Variants in MYO9A observed in about 807,000 individuals in gnomAD.
MYO9A encodes the protein myosin IXA.
MYO9A carries 103 observed loss-of-function variants against 293.3 expected under a neutral mutation model. That is an observed-to-expected ratio of 0.35 (90% CI 0.30 to 0.41). The LOEUF is 0.41. MYO9A is among the 10% of genes least tolerant of loss of function. MYO9A has a pLI of 1.00. For missense variants in MYO9A, 2,685 were observed against 3,033.0 expected, an observed-to-expected ratio of 0.89 and a Z score of 2.69; for synonymous variants, 1,001 against 1,035.7, an observed-to-expected ratio of 0.97 and a Z score of 0.64.
At chr15:71,965,111 A>C (rs2075840351) in intron 13 of MYO9A, among the ~76,000 whole-genome samples, 2 of 151,654 alleles carry the variant, frequency 1.3e-5, no homozygotes, top group South Asian at 4.1e-4. Context: ...AAAATATTAT[A>C]ATTTTAATAA....
At chr15:71,979,610 T>C (rs889796899) in intron 11 of MYO9A, among the ~76,000 whole-genome samples, 2 of 152,232 alleles carry the variant, frequency 1.3e-5, no homozygotes, top group Non-Finnish European at 2.9e-5. Context: ...TACCTGAAGT[T>C]CATTCATTTT....
chr15:72,109,897 CA>C (rs35741721), intron 1 of MYO9A, among the ~76,000 whole-genome samples: 30,438 of 141,934 alleles, frequency 0.21, 3,292 homozygotes, highest in East Asian at 0.43. Flanking sequence ...CTCTGTCTCA[CA>C]AAAAAATAAA....
intron 2 of MYO9A, chr15:72,045,507 C>T (rs1201849360): frequency 7.8e-6 from 3 of 383,172 alleles, no homozygotes; most frequent in African/African-American, 4.1e-5. Context: ...CTCAGGTGAT[C>T]CACCCACCTA....
At chr15:72,110,822 T>G (rs1285808478) in intron 1 of MYO9A, among the ~76,000 whole-genome samples, 1 of 152,212 alleles carries the variant, frequency 6.6e-6, no homozygotes, top group Admixed American at 6.5e-5. Context: ...CAACAAACTT[T>G]GATTAGCCAT....
intron 11 of MYO9A, among the ~76,000 whole-genome samples, chr15:71,987,985 T>C (rs1259698030): frequency 6.6e-6 from 1 of 152,210 alleles, no homozygotes; most frequent in Non-Finnish European, 1.5e-5. Context: ...CCATAAACTC[T>C]AAGGTTTTTT....
chr15:72,078,176 T>G (rs922142049), intron 1 of MYO9A, among the ~76,000 whole-genome samples: 4 of 152,254 alleles, frequency 2.6e-5, no homozygotes, highest in African/African-American at 9.6e-5. Context: ...CTCACTGGTA[T>G]TTACCCAAAT....
intron 36 of MYO9A, 94 bp from the exon 37 acceptor site, chr15:71,851,452 CAG>C (rs2055644353): frequency 3.0e-6 from 3 of 985,498 alleles, no homozygotes; most frequent in Admixed American, 4.9e-5. Context: ...AGGCTGGCTA[CAG>C]AGTTTTAGGA....
chr15:72,053,634 G>C (rs539220006), intron 1 of MYO9A, among the ~76,000 whole-genome samples: 25 of 152,234 alleles, frequency 1.6e-4, no homozygotes, highest in African/African-American at 5.8e-4. Flanking sequence ...GGGAGCAATA[G>C]ACACAAGAGC....
chr15:72,076,174 A>T (rs1246511576), intron 1 of MYO9A, among the ~76,000 whole-genome samples: 1 of 152,198 alleles, frequency 6.6e-6, no homozygotes, highest in Non-Finnish European at 1.5e-5. Flanking sequence ...GCATGGTGCC[A>T]TGTGCCTGTA....
chr15:71,914,232 G>C (rs1396416791), intron 19 of MYO9A, among the ~76,000 whole-genome samples: 1 of 152,036 alleles, frequency 6.6e-6, no homozygotes, highest in African/African-American at 2.4e-5. Flanking sequence ...TCATCTTTAG[G>C]TGTTAATCTG....
chr15:71,926,296 G>A (rs2058312252), intron 18 of MYO9A, among the ~76,000 whole-genome samples: 1 of 152,224 alleles, frequency 6.6e-6, no homozygotes, highest in East Asian at 1.9e-4. Context: ...ATGCACCGTG[G>A]TATATGCCTA....
At chr15:71,915,058 A>G (rs1429406932) in intron 19 of MYO9A, among the ~76,000 whole-genome samples, 1 of 152,164 alleles carries the variant, frequency 6.6e-6, no homozygotes, top group African/African-American at 2.4e-5. Flanking sequence ...GGATTTGCTA[A>G]TCAGGAAAAA....
intron 25 of MYO9A, among the ~76,000 whole-genome samples, chr15:71,895,133 T>C (rs2057287366): frequency 6.6e-6 from 1 of 152,222 alleles, no homozygotes; most frequent in Admixed American, 6.5e-5. Flanking sequence ...GAGATCTCCC[T>C]TTTTGAGCAA....
chr15:71,996,511 T>C (rs2076702392), intron 9 of MYO9A, among the ~76,000 whole-genome samples: 1 of 152,158 alleles, frequency 6.6e-6, no homozygotes, highest in African/African-American at 2.4e-5. Context: ...AACCCAAATA[T>C]CAAGTAATAT....
chr15:71,983,294 T>G (rs2076320060), intron 11 of MYO9A, among the ~76,000 whole-genome samples: 1 of 151,882 alleles, frequency 6.6e-6, no homozygotes, highest in Non-Finnish European at 1.5e-5. Context: ...TTTTGGCAAT[T>G]CTAGAAAACA....
chr15:72,087,698 G>A (rs2079784921), intron 1 of MYO9A, among the ~76,000 whole-genome samples: 1 of 152,130 alleles, frequency 6.6e-6, no homozygotes, highest in Admixed American at 6.5e-5. Flanking sequence ...AGTTGTCCCA[G>A]TCCCTCAGTG....
chr15:71,998,413 T>C (rs2076763112), intron 9 of MYO9A, among the ~76,000 whole-genome samples: 1 of 152,038 alleles, frequency 6.6e-6, no homozygotes, highest in Non-Finnish European at 1.5e-5. Flanking sequence ...TTTACCTATA[T>C]AACAAACCTG....
intron 13 of MYO9A, among the ~76,000 whole-genome samples, chr15:71,962,421 A>C (rs1057288917): frequency 2.6e-5 from 4 of 152,186 alleles, no homozygotes. Flanking sequence ...CCTGAGAACA[A>C]GGAAAAACAG....
chr15:72,097,951 G>C (rs940559242), intron 1 of MYO9A, among the ~76,000 whole-genome samples: 1 of 151,730 alleles, frequency 6.6e-6, no homozygotes, highest in Non-Finnish European at 1.5e-5. Flanking sequence ...AAAAAAAGAA[G>C]AAACAGAAAA....
Sources: allele counts gnomAD v4.1 joint callset (sites outside exome capture counted in the v4.1 genomes callset), GRCh38; gene constraint gnomAD v4.1.1; transcripts MANE v1.5; gene names NCBI Gene and HGNC (gene_info 2026-07-23, HGNC 2026-07-21).